MAP2K2: variants seen among roughly 807,000 people sequenced by gnomAD.
MAP2K2 encodes the protein dual specificity mitogen-activated protein kinase kinase 2.
MAP2K2 carries 24 observed loss-of-function variants against 43.7 expected under a neutral mutation model. The observed-to-expected ratio is 0.55, with a 90% CI of 0.40 to 0.77. The LOEUF is 0.77. Ranked by LOEUF, MAP2K2 falls within the 30% of genes least tolerant of loss-of-function variation. The pLI is 0.00. For missense variants in MAP2K2, 470 were observed against 566.8 expected (o/e 0.83, Z 1.73); for synonymous variants, 244 against 239.7 (o/e 1.02, Z -0.17).
chr19:4,120,806 G>C (rs2041283415), intron 1 of MAP2K2, among the ~76,000 whole-genome samples: 1 of 152,192 alleles, frequency 6.6e-6, no homozygotes, highest in Admixed American at 6.5e-5. Flanking sequence ...AATCCTTCAA[G>C]AGATGGGAAT....
chr19:4,102,769 C>T (rs975629158), intron 3 of MAP2K2: 12 of 1,273,200 alleles, frequency 9.4e-6, no homozygotes, highest in African/African-American at 3.0e-5. Context: ...GCCCAAGCCG[C>T]GGCCGGGGGC....
At chr19:4,117,742 C>T (rs952646253) in intron 1 of MAP2K2, 113 bp from the exon 2 acceptor site, 1 of 909,218 alleles carries the variant, frequency 1.1e-6, no homozygotes, top group Non-Finnish European at 1.8e-6. Flanking sequence ...GATTCCTGCA[C>T]TTGAGGGGTT....
At position 4,090,671 on chromosome 19, in the gene MAP2K2, A is replaced by C; in HGVS notation, c.1130T>G (p.Val377Gly). Reference sequence around the variant, plus strand: ...TTTACACAACCAGCCGGCAAAATCCACTTCTTCCACCTCGGACCGCTTGAT... The same window carrying C: ...TTTACACAACCAGCCGGCAAAATCCCCTTCTTCCACCTCGGACCGCTTGAT... ...TFIKRSEVEE[V>G]DFAGWLCKTL... The change falls in exon 11 of 11, where the codon GTG becomes GGG. Residue 377 changes from valine (V) to glycine (G), a missense_variant. By Grantham distance (109) the Val-to-Gly change is moderately radical. Coordinates refer to ENST00000262948, the MANE Select transcript of MAP2K2 (RefSeq NM_030662.4). 3 of 1,559,854 alleles carry C rather than the reference A, an allele frequency of 1.9e-6. No individual in the cohort carries two copies. The highest frequency in any genetic ancestry group is 2.6e-6 in the Non-Finnish European group (3 of 1,151,714).
chr19:4,100,987 A>G (rs1193267675), intron 6 of MAP2K2, 32 bp downstream of exon 6: 9 of 1,550,644 alleles, frequency 5.8e-6, no homozygotes, highest in Non-Finnish European at 7.8e-6. Context: ...AGCAGGGAGG[A>G]GAGCTGGAGG....
chr19:4,093,917 G>T (rs926896154), intron 10 of MAP2K2, among the ~76,000 whole-genome samples: 2 of 152,206 alleles, frequency 1.3e-5, no homozygotes, highest in African/African-American at 4.8e-5. Flanking sequence ...GAGGGCAGGA[G>T]GATGATGCCC....
chr19:4,097,093 C>T (rs1379450734), intron 8 of MAP2K2, among the ~76,000 whole-genome samples, 186 bp downstream of exon 8: 8 of 148,602 alleles, frequency 5.4e-5, no homozygotes, highest in Non-Finnish European at 8.9e-5. Flanking sequence ...ACTCGGGAGG[C>T]TGAGGCACGA....
At chr19:4,114,812 G>A (rs2041200331) in intron 2 of MAP2K2, among the ~76,000 whole-genome samples, 1 of 152,118 alleles carries the variant, frequency 6.6e-6, no homozygotes, top group African/African-American at 2.4e-5. Flanking sequence ...AGCCAGGCAT[G>A]CCAGCCACTC....
intron 7 of MAP2K2, 38 bp downstream of exon 7, chr19:4,099,163 T>C (rs760344244): frequency 2.8e-5 from 44 of 1,554,726 alleles, no homozygotes; most frequent in Admixed American, 5.5e-5. Flanking sequence ...CGCAGGGCAC[T>C]GCGCGTCCAG....
chr19:4,094,928 G>C, intron 9 of MAP2K2: 1 of 361,654 alleles, frequency 2.8e-6, no homozygotes, highest in East Asian at 4.5e-5. Context: ...TGTGGGCAGC[G>C]GGGTGTCCGC....
At chr19:4,095,964 G>A (rs1210066058) in intron 8 of MAP2K2, among the ~76,000 whole-genome samples, 3 of 152,108 alleles carry the variant, frequency 2.0e-5, no homozygotes, top group African/African-American at 2.4e-5. Flanking sequence ...TAGTAGAGAC[G>A]GTATTTCACC....
intron 2 of MAP2K2, among the ~76,000 whole-genome samples, chr19:4,114,732 T>C (rs2041199620): frequency 6.6e-6 from 1 of 152,068 alleles, no homozygotes; most frequent in South Asian, 2.1e-4. Context: ...ATGGATTCCT[T>C]GAGGTCAGAT....
At position 4,101,345 on chromosome 19, in the gene MAP2K2, G is replaced by A. The variant is rs938575006; in HGVS notation, c.529-65C>T. The A allele has an allele frequency of 1.8e-5, 28 of 1,515,254 alleles. No homozygotes were observed. The Admixed American group carries it at 2.5e-4, about 14-fold the overall frequency. The allele number at this position is 1,515,254 out of a possible 1,614,324, so 93.9% of individuals were successfully genotyped here. ...CAGGGCTTAGCTCCTGACCGAGCCC[G>A]GGGGTCAGAGCTGAGCAGTCAGAGC... is the stretch of plus-strand genomic sequence containing the variant. On this transcript the variant is annotated intron_variant, in intron 4 of 10. Coordinates refer to ENST00000262948, the MANE Select transcript of MAP2K2 (RefSeq NM_030662.4). The surrounding 1 kb of genome is among the most constrained non-coding windows in gnomAD (Gnocchi z 6.3).
In MAP2K2 at chr19:4,090,797, A is replaced by C. The variant is rs2040847889; in HGVS notation, c.1093-89T>G. The C allele has an allele frequency of 1.7e-5, 15 of 880,482 alleles. No individual in the cohort carries two copies. In the South Asian group the frequency reaches 1.8e-4, roughly 11 times the overall value. The allele number at this position is 880,482 out of a possible 1,614,324, so 54.5% of individuals were successfully genotyped here. On this transcript the variant is annotated intron_variant, in intron 10 of 10. Transcript: ENST00000262948. The stretch of plus-strand genomic sequence containing the variant: ...CGTCTGCCCAGCCCTGGCAGATGGT[A>C]CGGGACAGAAAGCAAAAAACAGAGG...
intron 1 of MAP2K2, among the ~76,000 whole-genome samples, chr19:4,118,955 T>A (rs1314707939): frequency 1.3e-5 from 2 of 152,196 alleles, no homozygotes; most frequent in Non-Finnish European, 2.9e-5. Flanking sequence ...AGGAACCCAT[T>A]GCTGTGCACA....
intron 9 of MAP2K2, 67 bp from the exon 10 acceptor site, chr19:4,094,565 C>T: frequency 1.3e-6 from 2 of 1,482,538 alleles, no homozygotes; most frequent in Non-Finnish European, 1.8e-6. Context: ...CAGCTGGTGG[C>T]CCCGGGGCAC....
chr19:4,102,115 G>A (rs1178915651), intron 4 of MAP2K2, among the ~76,000 whole-genome samples: 1 of 152,122 alleles, frequency 6.6e-6, no homozygotes, highest in Non-Finnish European at 1.5e-5. Flanking sequence ...GGGGCAGAGG[G>A]GACCAGTGTG....
chr19:4,102,748 G>C (rs541765074), intron 3 of MAP2K2: 125 of 1,298,844 alleles, frequency 9.6e-5, no homozygotes, highest in Admixed American at 9.4e-5. Flanking sequence ...CAGAGGCTCT[G>C]CTCCGGGCCA....
chr19:4,099,576 A>G (rs1300103282), intron 6 of MAP2K2, 162 bp from the exon 7 acceptor site: 1 of 647,642 alleles, frequency 1.5e-6, no homozygotes. Context: ...TCACCCACCC[A>G]GGGCCTCCCT....
At chr19:4,098,148 G>T (rs190199945) in intron 7 of MAP2K2, among the ~76,000 whole-genome samples, 44 of 146,908 alleles carry the variant, frequency 3.0e-4, no homozygotes, top group African/African-American at 1.2e-3. Context: ...CACGCACCAT[G>T]GCGTGGATGA....
Sources: allele counts gnomAD v4.1 joint callset (sites outside exome capture counted in the v4.1 genomes callset), GRCh38; gene constraint gnomAD v4.1.1; non-coding constraint Gnocchi (gnomAD v3.1); transcripts MANE v1.5; gene names NCBI Gene and HGNC (gene_info 2026-07-23, HGNC 2026-07-21).